The following SYN3 variants were observed in gnomAD, a reference collection of about 807,000 sequenced individuals.
The protein encoded by SYN3 is synapsin III.
A neutral mutation model predicts 65.8 loss-of-function variants in SYN3; 35 were observed. The ratio of observed to expected loss-of-function variants is 0.53; its 90% confidence interval spans 0.41 to 0.70. The LOEUF is 0.70. Ranked by LOEUF, SYN3 falls within the 30% of genes least tolerant of loss-of-function variation. The pLI is 0.00. For synonymous variants in SYN3, 270 were observed against 292.9 expected, an observed-to-expected ratio of 0.92 and a Z score of 0.80; for missense variants, 680 against 749.0, an observed-to-expected ratio of 0.91 and a Z score of 1.08.
chr22:32,710,867 G>A (rs1469365987), intron 6 of SYN3, among the ~76,000 whole-genome samples: 2 of 151,962 alleles, frequency 1.3e-5, no homozygotes, highest in African/African-American at 4.8e-5. Flanking sequence ...CTCCATTTCA[G>A]GTATTTCTTT....
chr22:32,928,739 C>T (rs972739015), intron 4 of SYN3, among the ~76,000 whole-genome samples: 1 of 152,172 alleles, frequency 6.6e-6, no homozygotes, highest in Admixed American at 6.5e-5. Context: ...TCTTCAAATA[C>T]TGTCTCTGCT....
At chr22:32,989,562 C>T (rs932144764) in intron 2 of SYN3, among the ~76,000 whole-genome samples, 15 of 152,064 alleles carry the variant, frequency 9.9e-5, no homozygotes, top group African/African-American at 3.1e-4. Flanking sequence ...GGGCCGGGCA[C>T]GGTGGCTTAT....
intron 1 of SYN3, among the ~76,000 whole-genome samples, chr22:33,007,359 G>GC (rs2053222637): frequency 6.6e-6 from 1 of 152,122 alleles, no homozygotes; most frequent in South Asian, 2.1e-4. Flanking sequence ...TTTTGGTAAC[G>GC]CAAGTACATG....
intron 6 of SYN3, among the ~76,000 whole-genome samples, chr22:32,663,549 C>T (rs897222237): frequency 3.3e-5 from 5 of 152,140 alleles, no homozygotes; most frequent in Admixed American, 1.3e-4. Context: ...CCACCTGCCT[C>T]GGCCTCCCAA....
At chr22:32,713,374 G>C (rs191527184) in intron 6 of SYN3, among the ~76,000 whole-genome samples, 2 of 152,166 alleles carry the variant, frequency 1.3e-5, no homozygotes, top group African/African-American at 4.8e-5. Flanking sequence ...TAGTTCCTCC[G>C]TGGTCAGGTA....
intron 6 of SYN3, among the ~76,000 whole-genome samples, chr22:32,620,289 A>G (rs1320400982): frequency 6.6e-6 from 1 of 152,202 alleles, no homozygotes; most frequent in Admixed American, 6.5e-5. Context: ...AGGGGCTTTG[A>G]GTGAAGAGAG....
intron 3 of SYN3, among the ~76,000 whole-genome samples, chr22:32,949,547 C>T (rs1451310280): frequency 6.6e-6 from 1 of 152,128 alleles, no homozygotes; most frequent in African/African-American, 2.4e-5. Context: ...CACACCCACA[C>T]ACACGCATGC....
chr22:32,949,715 G>T (rs898755860), intron 3 of SYN3, among the ~76,000 whole-genome samples: 1 of 152,234 alleles, frequency 6.6e-6, no homozygotes, highest in African/African-American at 2.4e-5. Context: ...ACTAATAATT[G>T]CATTTGCGAT....
At chr22:32,661,910 T>A (rs2060222310) in intron 6 of SYN3, among the ~76,000 whole-genome samples, 1 of 152,222 alleles carries the variant, frequency 6.6e-6, no homozygotes, top group African/African-American at 2.4e-5. Context: ...TGACTGACTT[T>A]TCTTAGCCTC....
intron 1 of SYN3, among the ~76,000 whole-genome samples, chr22:33,044,395 C>A (rs2054021373): frequency 6.6e-6 from 1 of 152,090 alleles, no homozygotes; most frequent in Admixed American, 6.6e-5. Flanking sequence ...CCATGGCAGG[C>A]CCCCTGTTAA....
chr22:32,954,937 C>G (rs1265865171), intron 3 of SYN3, among the ~76,000 whole-genome samples: 1 of 135,368 alleles, frequency 7.4e-6, no homozygotes, highest in Non-Finnish European at 1.6e-5. Flanking sequence ...ATGCTTTTTC[C>G]TTTTCTTTTT....
chr22:32,863,373 T>A (rs896996077), intron 6 of SYN3, among the ~76,000 whole-genome samples: 4 of 152,204 alleles, frequency 2.6e-5, no homozygotes, highest in Non-Finnish European at 5.9e-5. Context: ...CTTGTTTTCT[T>A]CCTAAGAATC....
chr22:32,943,244 T>C (rs1252878687), intron 3 of SYN3, among the ~76,000 whole-genome samples: 1 of 152,196 alleles, frequency 6.6e-6, no homozygotes, highest in Non-Finnish European at 1.5e-5. Flanking sequence ...TAACAGTGGA[T>C]CTCTTGGCAG....
chr22:32,884,198 C>T (rs191985770), intron 4 of SYN3, among the ~76,000 whole-genome samples: 9 of 152,342 alleles, frequency 5.9e-5, no homozygotes, highest in Admixed American at 3.3e-4. Flanking sequence ...TCTAAAACTG[C>T]TGGAGCATGA....
At chr22:32,823,123 A>T (rs2047300407) in intron 6 of SYN3, among the ~76,000 whole-genome samples, 1 of 152,226 alleles carries the variant, frequency 6.6e-6, no homozygotes, top group African/African-American at 2.4e-5. Flanking sequence ...ATAAAAGAAC[A>T]ATGGTGGGAA....
chr22:32,627,147 G>C (rs928237111), intron 6 of SYN3, among the ~76,000 whole-genome samples: 3 of 147,944 alleles, frequency 2.0e-5, no homozygotes, highest in African/African-American at 7.4e-5. Flanking sequence ...GGGGGTGGCA[G>C]TGCGGCGGGC....
rs145609392 is a variant in SYN3 at position 32,740,163 on chromosome 22, A to G, written c.711+124752T>C. Among the ~76,000 whole-genome samples the G allele has an allele frequency of 1.9e-3, 288 of 152,294 alleles. 1 individual carries two copies. The highest frequency in any genetic ancestry group is 6.5e-3 in the African/African-American group (272 of 41,556). On this transcript the variant is annotated intron_variant, in intron 6 of 13. Transcript: ENST00000358763. ...AGGGCAGGTGTGTGAAGAGGGTTAG[A>G]CTCAAAATGGAACTTGCACCAACAG...
chr22:32,872,404 A>G (rs1410659883), intron 4 of SYN3, among the ~76,000 whole-genome samples: 8 of 152,194 alleles, frequency 5.3e-5, no homozygotes, highest in African/African-American at 1.7e-4. Flanking sequence ...TAGCCAGGAG[A>G]CAGCAAGTAG....
At chr22:32,962,801 C>CATCTATCTATCTATCT (rs56349346) in intron 3 of SYN3, among the ~76,000 whole-genome samples, 3 of 146,482 alleles carry the variant, frequency 2.0e-5, no homozygotes, top group African/African-American at 2.5e-5. Flanking sequence ...AGAGTATCGG[C>CATCTATCTATCTATCT]ATCTATCTAT....
Sources: gnomAD v4.1 joint callset for allele counts (sites outside exome capture counted in the v4.1 genomes callset) on GRCh38, gnomAD v4.1.1 for gene constraint, MANE v1.5 for transcripts, NCBI Gene and HGNC (gene_info 2026-07-23, HGNC 2026-07-21) for gene names.